Variants in FRAS1 observed in about 807,000 individuals in gnomAD.
FRAS1 encodes the protein Fraser extracellular matrix complex subunit 1.
A neutral mutation model predicts 435.2 loss-of-function variants in FRAS1; 290 were observed. The ratio of observed to expected loss-of-function variants is 0.67; its 90% CI spans 0.61 to 0.73. FRAS1 has a LOEUF of 0.73. FRAS1 is among the 30% of genes least tolerant of loss of function. The probability of loss-of-function intolerance (pLI) is 0.00; values close to 1 mark genes in which losing one functional copy is unlikely to be tolerated. For synonymous variants in FRAS1, 1,800 were observed against 1,851.0 expected (o/e 0.97, Z 0.71); for missense variants, 4,860 against 5,001.5 (o/e 0.97, Z 0.85).
At position 78,496,886 on chromosome 4, in the gene FRAS1, C is replaced by G. The variant is rs1482098411; in HGVS notation, c.9040C>G (p.Leu3014Val). 4 of 1,613,626 alleles carry G rather than the reference C, an allele frequency of 2.5e-6. No homozygotes were observed. The highest frequency in any genetic ancestry group is 3.4e-6 in the Non-Finnish European group (4 of 1,179,724). ...GTTCAGGGTCTACCTCGGCCTTCCT[C>G]TTGGAAACCACTGGAGTGGAGCTAG... ...EQFRVYLGLP[L>V]GNHWSGARIG... Residue 3014 changes from leucine to valine, a missense_variant, in exon 60 of 74, where the codon CTT becomes GTT. Transcript: ENST00000512123.
chr4:78,450,099 C>T (rs1344709346), intron 44 of FRAS1, 52 bp from the exon 45 acceptor site: 10 of 1,429,996 alleles, frequency 7.0e-6, no homozygotes, highest in Admixed American at 1.9e-5. Flanking sequence ...TTTGACATCC[C>T]GTTCAAAGGA....
chr4:78,504,357 ATC>A (rs1720769541), intron 61 of FRAS1, among the ~76,000 whole-genome samples: 1 of 152,056 alleles, frequency 6.6e-6, no homozygotes, highest in Admixed American at 6.6e-5. Context: ...GGGAATCTAA[ATC>A]TCTTTGTAGT....
chr4:78,340,415 C>T (rs550853153), intron 20 of FRAS1, among the ~76,000 whole-genome samples: 8 of 152,248 alleles, frequency 5.3e-5, no homozygotes, highest in African/African-American at 1.9e-4. Flanking sequence ...TGTGCTGACC[C>T]CAAAGTTTAC....
At chr4:78,329,568 T>C (rs1018668261) in intron 18 of FRAS1, among the ~76,000 whole-genome samples, 3 of 152,194 alleles carry the variant, frequency 2.0e-5, no homozygotes, top group Non-Finnish European at 4.4e-5. Context: ...CGATCAGAAA[T>C]TGGCAAATCT....
At chr4:78,372,474 G>C (rs560228766) in intron 23 of FRAS1, among the ~76,000 whole-genome samples, 43 of 152,308 alleles carry the variant, frequency 2.8e-4, no homozygotes, top group African/African-American at 9.6e-4. Context: ...CAACAAGCAG[G>C]CTCAGCACAA....
chr4:78,394,017 G>T (rs1732552877), intron 29 of FRAS1, among the ~76,000 whole-genome samples: 1 of 151,578 alleles, frequency 6.6e-6, no homozygotes, highest in Non-Finnish European at 1.5e-5. Flanking sequence ...TGCCTTCTTT[G>T]GAGAAATACC....
intron 14 of FRAS1, among the ~76,000 whole-genome samples, chr4:78,301,846 G>GTTTTTTTTTTTTTTTTTTTTTTTTTTTT (rs59794614): frequency 2.9e-5 from 3 of 103,936 alleles, no homozygotes; most frequent in Non-Finnish European, 3.7e-5. Flanking sequence ...CACAGAAACA[G>GTTTTTTTTTTTTTTTTTTTTTTTTTTTT]TTTTTTTTTT....
At position 78,064,855 on chromosome 4, in the gene FRAS1, A is replaced by G. The variant is rs1161492000; in HGVS notation, c.77-1130A>G. On this transcript the variant is annotated intron_variant, in intron 1 of 73. Coordinates refer to ENST00000512123, the MANE Select transcript of FRAS1 (RefSeq NM_025074.7). ...AATGTCCTTCTCTCTTTAGAAACCA[A>G]CTGTGTGGAGCATTGTTAAGATATG... 2.6e-5 allele frequency among the ~76,000 whole-genome samples: 4 copies of G among 151,716 alleles called. No homozygotes were observed. The East Asian group carries it at 5.8e-4, about 22-fold the overall frequency.
intron 2 of FRAS1, among the ~76,000 whole-genome samples, chr4:78,188,343 G>T (rs1309259424): frequency 1.3e-5 from 2 of 151,664 alleles, no homozygotes; most frequent in African/African-American, 4.9e-5. Context: ...TATTTAGGTT[G>T]GTGCAAAGGT....
intron 2 of FRAS1, among the ~76,000 whole-genome samples, chr4:78,144,047 A>G (rs1720311807): frequency 1.3e-5 from 2 of 152,032 alleles, no homozygotes; most frequent in Non-Finnish European, 2.9e-5. Flanking sequence ...ATCATCAAAA[A>G]GGAAATCACA....
chr4:78,130,537 C>T (rs1719634564), intron 2 of FRAS1, among the ~76,000 whole-genome samples: 1 of 152,094 alleles, frequency 6.6e-6, no homozygotes, highest in Non-Finnish European at 1.5e-5. Context: ...TTTTCTTTCT[C>T]AAAAAGTTGA....
intron 31 of FRAS1, among the ~76,000 whole-genome samples, chr4:78,409,721 G>A (rs1044311725): frequency 6.6e-6 from 1 of 152,200 alleles, no homozygotes; most frequent in African/African-American, 2.4e-5. Flanking sequence ...TTGGTAAAGT[G>A]TCAGAGAAAA....
At position 78,481,973 on chromosome 4, in the gene FRAS1, A is replaced by G. The variant is rs1229671638; in HGVS notation, c.8604+9A>G. 1.9e-6 allele frequency: 3 copies of G among 1,612,108 alleles called. No homozygotes were observed. The highest frequency in any genetic ancestry group is 2.5e-6 in the Non-Finnish European group (3 of 1,179,466). Reference sequence around the variant, plus strand: ...CTGGTGTCATTGAACAGGTGCGTTTACAGCAGTCGAGACTCCACAAAGTTG... The same window carrying G: ...CTGGTGTCATTGAACAGGTGCGTTTGCAGCAGTCGAGACTCCACAAAGTTG... On this transcript the variant is annotated intron_variant, in intron 57 of 73. Coordinates refer to ENST00000512123, the MANE Select transcript of FRAS1 (RefSeq NM_025074.7).
chr4:78,130,891 T>A (rs551155109), intron 2 of FRAS1, among the ~76,000 whole-genome samples: 37 of 152,264 alleles, frequency 2.4e-4, no homozygotes, highest in Admixed American at 5.9e-4. Context: ...AAAGCCCAAA[T>A]ATAAAATTGG....
intron 2 of FRAS1, among the ~76,000 whole-genome samples, chr4:78,237,080 G>A (rs1295682741): frequency 6.6e-6 from 1 of 152,098 alleles, no homozygotes; most frequent in African/African-American, 2.4e-5. Flanking sequence ...AATGAAGCCT[G>A]TGGTGCTTAT....
Position 78,369,828 on chromosome 4 carries a change from G to T in FRAS1, c.2723-10G>T. 6.2e-7 allele frequency: 1 copy of T among 1,605,806 alleles called. No homozygotes were observed. The highest frequency in any genetic ancestry group is 1.1e-5 in the South Asian group (1 of 89,750). On this transcript the variant is annotated splice_polypyrimidine_tract_variant and intron_variant, in intron 22 of 73. Coordinates refer to ENST00000512123, the MANE Select transcript of FRAS1 (RefSeq NM_025074.7). ...AATCATCTGGTCATTTTCTTTTCCT[G>T]TCTGCTCAGCATGCAACACACACTG...
chr4:78,470,998 A>G (rs1719689522), intron 51 of FRAS1, among the ~76,000 whole-genome samples: 1 of 152,202 alleles, frequency 6.6e-6, no homozygotes, highest in South Asian at 2.1e-4. Context: ...CAGCTAAAAC[A>G]TTGTTCACTA....
chr4:78,243,194 A>C (rs35147687), intron 3 of FRAS1, among the ~76,000 whole-genome samples: 139,462 of 152,084 alleles, frequency 0.92, 64,842 homozygotes, highest in East Asian at 0.99. Flanking sequence ...CTCTCTATAT[A>C]TATATATGTA....
At chr4:78,114,930 A>G (rs1431309513) in intron 2 of FRAS1, among the ~76,000 whole-genome samples, 2 of 152,092 alleles carry the variant, frequency 1.3e-5, no homozygotes, top group Non-Finnish European at 2.9e-5. Flanking sequence ...GAATGCTTCC[A>G]GTTTTTGCCC....
Sources: allele counts gnomAD v4.1 joint callset (sites outside exome capture counted in the v4.1 genomes callset), GRCh38; gene constraint gnomAD v4.1.1; transcripts MANE v1.5; gene names NCBI Gene and HGNC (gene_info 2026-07-23, HGNC 2026-07-21).